Variants in FGGY observed in about 807,000 individuals in gnomAD.
FGGY encodes FGGY carbohydrate kinase domain containing.
Under a neutral mutation model 71.3 loss-of-function variants are expected in FGGY, and 72 were observed. That is an observed-to-expected ratio of 1.01 (90% confidence interval 0.84 to 1.23). FGGY has a LOEUF of 1.23. FGGY is among the 50% of genes most tolerant of loss of function. FGGY has a pLI of 0.00. For synonymous variants in FGGY, 251 were observed against 250.3 expected (o/e 1.00, Z -0.02); for missense variants, 668 against 682.3 (o/e 0.98, Z 0.23).
At chr1:59,453,927 A>G (rs2091439418) in intron 5 of FGGY, among the ~76,000 whole-genome samples, 1 of 152,128 alleles carries the variant, frequency 6.6e-6, no homozygotes. Context: ...GAGTGTGGGT[A>G]TGTGGAGACA....
At chr1:59,704,699 T>C (rs910209917) in intron 14 of FGGY, among the ~76,000 whole-genome samples, 1 of 152,196 alleles carries the variant, frequency 6.6e-6, no homozygotes, top group Non-Finnish European at 1.5e-5. Context: ...GATAGACCTT[T>C]AGGTAGTTTC....
intron 6 of FGGY, among the ~76,000 whole-genome samples, chr1:59,475,724 C>G (rs2093233589): frequency 6.6e-6 from 1 of 152,234 alleles, no homozygotes; most frequent in South Asian, 2.1e-4. Flanking sequence ...TGAGGCATTC[C>G]TGCCCCTCTT....
chr1:59,677,398 G>C (rs1003377871), intron 14 of FGGY, among the ~76,000 whole-genome samples: 7 of 152,178 alleles, frequency 4.6e-5, no homozygotes, highest in African/African-American at 1.7e-4. Context: ...CACACATCTG[G>C]TGGTTAGATG....
chr1:59,307,596 A>G (rs756506567), intron 1 of FGGY, among the ~76,000 whole-genome samples: 1 of 152,182 alleles, frequency 6.6e-6, no homozygotes, highest in African/African-American at 2.4e-5. Context: ...GCCATCTGGT[A>G]AGTCACTGGC....
chr1:59,352,154 T>C (rs1044184997), intron 4 of FGGY, among the ~76,000 whole-genome samples: 1 of 152,176 alleles, frequency 6.6e-6, no homozygotes, highest in African/African-American at 2.4e-5. Context: ...GAAGGCCAAA[T>C]GTAAATTAAG....
At chr1:59,645,554 C>G (rs2097085768) in intron 11 of FGGY, among the ~76,000 whole-genome samples, 1 of 152,166 alleles carries the variant, frequency 6.6e-6, no homozygotes, top group South Asian at 2.1e-4. Flanking sequence ...TCAGTTTCCT[C>G]ATCAATACAA....
intron 10 of FGGY, among the ~76,000 whole-genome samples, chr1:59,633,055 G>A (rs892737629): frequency 6.8e-6 from 1 of 146,164 alleles, no homozygotes; most frequent in Non-Finnish European, 1.5e-5. Context: ...CTTTCACCCA[G>A]GCTGGAGTGC....
chr1:59,508,420 G>A (rs1208890445), intron 6 of FGGY, among the ~76,000 whole-genome samples: 1 of 152,222 alleles, frequency 6.6e-6, no homozygotes, highest in African/African-American at 2.4e-5. Flanking sequence ...AACTGCAAAT[G>A]CTCAGGCAGT....
chr1:59,327,783 A>T (rs2047703002), intron 2 of FGGY, among the ~76,000 whole-genome samples: 1 of 152,230 alleles, frequency 6.6e-6, no homozygotes, highest in Admixed American at 6.5e-5. Context: ...TGCAGAATGG[A>T]TGTTGTGTTA....
Position 59,660,210 on chromosome 1 carries a change from T to C in FGGY, c.1222-9T>C, listed in dbSNP as rs1158985294. 1 of 1,613,042 alleles carries C rather than the reference T, an allele frequency of 6.2e-7. No individual in the cohort carries two copies. The stretch of plus-strand genomic sequence containing the variant: ...CCATCTTCTTCTTTTCTTCCCTTCA[T>C]GCCTGCAGGTCACCGGATTGAAACT... On this transcript the variant is annotated splice_polypyrimidine_tract_variant and intron_variant, in intron 11 of 15. Coordinates refer to ENST00000303721, the MANE Select transcript of FGGY (RefSeq NM_018291.5).
intron 4 of FGGY, among the ~76,000 whole-genome samples, chr1:59,358,071 A>G (rs1051791069): frequency 7.9e-5 from 12 of 152,230 alleles, no homozygotes; most frequent in Non-Finnish European, 1.3e-4. Flanking sequence ...CAACACTGAA[A>G]AGGACAATGC....
At chr1:59,681,806 G>GCA (rs10666171) in intron 14 of FGGY, among the ~76,000 whole-genome samples, 101,511 of 149,908 alleles carry the variant, frequency 0.68, 34,572 homozygotes, top group East Asian at 0.77. Context: ...ACACACACAT[G>GCA]CACACACACA....
At chr1:59,705,540 A>T (rs565181696) in intron 14 of FGGY, among the ~76,000 whole-genome samples, 34 of 152,202 alleles carry the variant, frequency 2.2e-4, no homozygotes, top group Non-Finnish European at 2.9e-4. Flanking sequence ...ATCATTAATT[A>T]TGGGGAAATT....
intron 7 of FGGY, among the ~76,000 whole-genome samples, chr1:59,538,934 G>A (rs141419919): frequency 0.016 from 2,468 of 151,658 alleles, 79 homozygotes; most frequent in African/African-American, 0.057. Context: ...AACATGGCAC[G>A]TATATGCATA....
chr1:59,594,608 C>G (rs898748469), intron 8 of FGGY, among the ~76,000 whole-genome samples: 2 of 152,180 alleles, frequency 1.3e-5, no homozygotes, highest in Non-Finnish European at 2.9e-5. Flanking sequence ...GTGCTTCCTC[C>G]CACCAAGGCT....
At chr1:59,401,067 T>C (rs2061901590) in intron 5 of FGGY, among the ~76,000 whole-genome samples, 1 of 152,182 alleles carries the variant, frequency 6.6e-6, no homozygotes, top group African/African-American at 2.4e-5. Flanking sequence ...TTATAAAAAT[T>C]CATAGTCTCA....
At chr1:59,303,687 A>G (rs2043081441) in intron 1 of FGGY, among the ~76,000 whole-genome samples, 1 of 152,124 alleles carries the variant, frequency 6.6e-6, no homozygotes, top group South Asian at 2.1e-4. Flanking sequence ...ACTGTTTGCC[A>G]TAATGCTGTA....
At chr1:59,297,999 GGTGAGGT>G (rs1437510266) in intron 1 of FGGY, among the ~76,000 whole-genome samples, 1 of 152,170 alleles carries the variant, frequency 6.6e-6, no homozygotes, top group African/African-American at 2.4e-5. Flanking sequence ...GACCAGGAGG[GGTGAGGT>G]GCTTATTCTT....
intron 15 of FGGY, among the ~76,000 whole-genome samples, chr1:59,759,941 A>G (rs760301730): frequency 3.2e-4 from 49 of 152,230 alleles, no homozygotes; most frequent in Non-Finnish European, 5.9e-4. Context: ...GCTCTGGAAG[A>G]GTCACTTAAA....
Sources: gnomAD v4.1 joint callset for allele counts (sites outside exome capture counted in the v4.1 genomes callset) on GRCh38, gnomAD v4.1.1 for gene constraint, MANE v1.5 for transcripts, NCBI Gene and HGNC (gene_info 2026-07-23, HGNC 2026-07-21) for gene names.